CAP2: variants seen among roughly 807,000 people sequenced by gnomAD.
The protein encoded by CAP2 is adenylyl cyclase-associated protein 2.
In CAP2, 24 loss-of-function variants were observed where a neutral mutation model predicts 57.7. The observed-to-expected ratio is 0.42, with a 90% CI of 0.30 to 0.58. The LOEUF is 0.58. Among genes scored for constraint, CAP2 ranks in the 20% least tolerant of loss-of-function variants. CAP2 has a pLI of 0.22. For missense variants in CAP2, 501 were observed against 590.3 expected, an observed-to-expected ratio of 0.85 and a Z score of 1.57; for synonymous variants, 194 against 207.2, an observed-to-expected ratio of 0.94 and a Z score of 0.55.
At chr6:17,473,504 A>G (rs921533056) in intron 4 of CAP2, among the ~76,000 whole-genome samples, 1 of 152,228 alleles carries the variant, frequency 6.6e-6, no homozygotes, top group African/African-American at 2.4e-5. Context: ...GAAAGAGGTC[A>G]CTGTGTCATT....
chr6:17,512,518 A>G (rs1313419140), intron 6 of CAP2, among the ~76,000 whole-genome samples: 1 of 152,216 alleles, frequency 6.6e-6, no homozygotes, highest in African/African-American at 2.4e-5. Context: ...GTGTACATTT[A>G]TATTGAAGTA....
rs142105053 is a variant in CAP2, at chr6:17,440,527, A to T, written c.222+13837A>T. The stretch of plus-strand genomic sequence containing the variant: ...ACTATTACCTTTAAGACAGTATTTT[A>T]AAAATGTTGACAGAGGCTTATCTTT... On this transcript the variant is annotated intron_variant, in intron 3 of 12. Coordinates refer to ENST00000229922, the MANE Select transcript of CAP2 (RefSeq NM_006366.3). Among the ~76,000 whole-genome samples, 439 of 151,380 alleles carry T rather than the reference A, an allele frequency of 2.9e-3. 22 individuals carry two copies. The highest frequency in any genetic ancestry group is 0.01 in the African/African-American group (409 of 40,868).
intron 7 of CAP2, chr6:17,530,801 AT>A: frequency 1.1e-5 from 6 of 568,392 alleles, no homozygotes; most frequent in East Asian, 3.1e-5. Context: ...TATTTTTTTC[AT>A]TTTTTTGGTC....
chr6:17,536,800 A>G (rs990715793), intron 7 of CAP2, among the ~76,000 whole-genome samples: 20 of 152,206 alleles, frequency 1.3e-4, no homozygotes, highest in Admixed American at 2.0e-4. Context: ...TATGAGTAAA[A>G]GTAATACTTC....
chr6:17,512,227 C>T (rs1762174217), intron 6 of CAP2, among the ~76,000 whole-genome samples: 1 of 151,664 alleles, frequency 6.6e-6, no homozygotes, highest in Non-Finnish European at 1.5e-5. Flanking sequence ...TCCATCCCTA[C>T]AAAAAAATTT....
chr6:17,426,329 A>G (rs1054294765), intron 2 of CAP2, among the ~76,000 whole-genome samples: 3 of 147,696 alleles, frequency 2.0e-5, no homozygotes, highest in African/African-American at 5.0e-5. Context: ...TCCACCTCCC[A>G]GTTTCAAGAG....
At chr6:17,408,313 C>T (rs533555867) in intron 1 of CAP2, among the ~76,000 whole-genome samples, 1 of 152,252 alleles carries the variant, frequency 6.6e-6, no homozygotes, top group South Asian at 2.1e-4. Context: ...GTGCCAGGCT[C>T]ATTTTTTCCT....
chr6:17,425,077 A>G (rs1018580348), intron 2 of CAP2, among the ~76,000 whole-genome samples: 1 of 152,222 alleles, frequency 6.6e-6, no homozygotes, highest in Non-Finnish European at 1.5e-5. Flanking sequence ...AGAGAGTGTA[A>G]ATAACTTGTT....
intron 3 of CAP2, 83 bp downstream of exon 3, chr6:17,426,773 T>A: frequency 1.1e-6 from 1 of 877,304 alleles, no homozygotes; most frequent in South Asian, 1.4e-5. Flanking sequence ...CCTGAGGAGA[T>A]CTTTATTTAT....
intron 7 of CAP2, among the ~76,000 whole-genome samples, chr6:17,534,453 A>C (rs908009921): frequency 6.6e-6 from 1 of 152,100 alleles, no homozygotes; most frequent in East Asian, 1.9e-4. Flanking sequence ...GTCATGTCTT[A>C]CCCATCTCAG....
At chr6:17,474,967 C>T (rs1171083304) in intron 4 of CAP2, among the ~76,000 whole-genome samples, 3 of 151,976 alleles carry the variant, frequency 2.0e-5, no homozygotes, top group Non-Finnish European at 2.9e-5. Context: ...GAGGCCGAGG[C>T]GGGCGGATCA....
intron 1 of CAP2, among the ~76,000 whole-genome samples, chr6:17,408,123 A>G (rs1184877263): frequency 2.0e-5 from 3 of 152,334 alleles, no homozygotes; most frequent in East Asian, 3.9e-4. Flanking sequence ...ATTGCTATAA[A>G]GGATACCTGA....
chr6:17,538,300 T>A (rs952949417), intron 7 of CAP2, among the ~76,000 whole-genome samples: 1 of 149,364 alleles, frequency 6.7e-6, no homozygotes, highest in Non-Finnish European at 1.5e-5. Context: ...AAAAAAAAAA[T>A]TAAAAATTAG....
chr6:17,507,033 A>C, intron 4 of CAP2, 136 bp from the exon 5 acceptor site: 1 of 823,002 alleles, frequency 1.2e-6, no homozygotes, highest in Non-Finnish European at 2.0e-6. Context: ...GCTGTTCTCA[A>C]AGATGATTAT....
At chr6:17,545,984 A>G (rs1047788027) in intron 11 of CAP2, among the ~76,000 whole-genome samples, 1 of 152,182 alleles carries the variant, frequency 6.6e-6, no homozygotes, top group African/African-American at 2.4e-5. Context: ...GCTATTGCGA[A>G]TAGTGCCGCA....
At chr6:17,433,397 T>A (rs1759793796) in intron 3 of CAP2, among the ~76,000 whole-genome samples, 1 of 152,248 alleles carries the variant, frequency 6.6e-6, no homozygotes, top group Non-Finnish European at 1.5e-5. Flanking sequence ...TCATGGCAGC[T>A]GTGTCTCCCA....
intron 4 of CAP2, among the ~76,000 whole-genome samples, chr6:17,473,384 A>G (rs188612908): frequency 1.6e-4 from 25 of 152,322 alleles, no homozygotes; most frequent in East Asian, 1.9e-4. Flanking sequence ...ACGATCTATC[A>G]TTTTACACTG....
At chr6:17,455,498 T>C (rs984543226) in intron 3 of CAP2, among the ~76,000 whole-genome samples, 12 of 151,796 alleles carry the variant, frequency 7.9e-5, no homozygotes, top group Middle Eastern at 3.5e-3. Flanking sequence ...CGCTTGGCCC[T>C]CTTCCAAGTG....
chr6:17,531,177 T>C (rs764092863), intron 7 of CAP2: 18 of 766,668 alleles, frequency 2.3e-5, no homozygotes, highest in Non-Finnish European at 3.6e-5. Flanking sequence ...ACCACACTTA[T>C]GGATTAGTTC....
Sources: allele counts gnomAD v4.1 joint callset (sites outside exome capture counted in the v4.1 genomes callset), GRCh38; gene constraint gnomAD v4.1.1; transcripts MANE v1.5; gene names NCBI Gene and HGNC (gene_info 2026-07-23, HGNC 2026-07-21).